Variants in CSGALNACT1 observed in about 807,000 individuals in gnomAD.
CSGALNACT1 encodes the protein beta4GalNAcT-1.
In CSGALNACT1, 52 loss-of-function variants were observed where a neutral mutation model predicts 51.0. The observed-to-expected ratio is 1.02, with a 90% CI of 0.82 to 1.29. The LOEUF (loss-of-function observed/expected upper bound fraction) is 1.29. Ranked by LOEUF, CSGALNACT1 falls within the 50% of genes most tolerant of loss-of-function variation. The pLI is 0.00. For synonymous variants in CSGALNACT1, 341 were observed against 254.4 expected (o/e 1.34, Z -3.24); for missense variants, 935 against 679.2 (o/e 1.38, Z -4.19).
At position 19,464,192 on chromosome 8, in the gene CSGALNACT1, C is replaced by A. The variant is rs190271059; in HGVS notation, c.635-5550G>T. On this transcript the variant is annotated intron_variant, in intron 4 of 9. Transcript: ENST00000454498. ...TCATTCTCAGTCTCCACATTCATCC[C>A]TGCCTTCCCTACCTTCCTACATGGA... Among the ~76,000 whole-genome samples the A allele has an allele frequency of 2.2e-4, 34 of 152,314 alleles. No individual in the cohort carries two copies. The East Asian group carries it at 5.2e-3, about 23-fold the overall frequency.
chr8:19,484,902 C>T (rs1200285402), intron 4 of CSGALNACT1, among the ~76,000 whole-genome samples: 1 of 152,124 alleles, frequency 6.6e-6, no homozygotes, highest in Non-Finnish European at 1.5e-5. Context: ...AAGGAAGAGT[C>T]ATTTTTGACC....
intron 3 of CSGALNACT1, among the ~76,000 whole-genome samples, chr8:19,554,328 G>C (rs965729514): frequency 6.6e-6 from 1 of 152,106 alleles, no homozygotes; most frequent in Non-Finnish European, 1.5e-5. Context: ...TATCAAATCG[G>C]TGTTATCATT....
chr8:19,488,845 C>T (rs2073723071), intron 4 of CSGALNACT1, among the ~76,000 whole-genome samples: 1 of 152,136 alleles, frequency 6.6e-6, no homozygotes, highest in Non-Finnish European at 1.5e-5. Flanking sequence ...ATCAGTTAAA[C>T]AGTGAAGAGA....
chr8:19,560,863 T>A (rs189223218), intron 3 of CSGALNACT1, among the ~76,000 whole-genome samples: 1 of 152,322 alleles, frequency 6.6e-6, no homozygotes, highest in East Asian at 1.9e-4. Flanking sequence ...TATTCACAGC[T>A]GCAAAATCTA....
At chr8:19,576,008 A>C (rs1295497377) in intron 3 of CSGALNACT1, among the ~76,000 whole-genome samples, 2 of 152,086 alleles carry the variant, frequency 1.3e-5, no homozygotes, top group African/African-American at 4.8e-5. Context: ...CAGGCCAAGC[A>C]GGTGGTCTAA....
At chr8:19,641,707 T>C (rs2056766762) in intron 1 of CSGALNACT1, 1 of 152,172 alleles carries the variant, frequency 6.6e-6, no homozygotes, top group South Asian at 2.1e-4. Context: ...CTTAAATGCA[T>C]TTACAAAACA....
chr8:19,633,754 A>G (rs2055616582), intron 1 of CSGALNACT1, among the ~76,000 whole-genome samples: 1 of 152,230 alleles, frequency 6.6e-6, no homozygotes, highest in Non-Finnish European at 1.5e-5. Flanking sequence ...GTTTTAAACC[A>G]TCTAGCTTGT....
At chr8:19,752,767 C>G (rs185549949) in intron 1 of CSGALNACT1, among the ~76,000 whole-genome samples, 1 of 152,256 alleles carries the variant, frequency 6.6e-6, no homozygotes, top group East Asian at 1.9e-4. Context: ...AACAAATTAT[C>G]AAATATGACT....
intron 4 of CSGALNACT1, among the ~76,000 whole-genome samples, chr8:19,491,235 T>C (rs116105613): frequency 0.018 from 2,755 of 152,336 alleles, 92 homozygotes; most frequent in African/African-American, 0.063. Context: ...ATGATTTTTG[T>C]TTACCGTACA....
intron 6 of CSGALNACT1, among the ~76,000 whole-genome samples, chr8:19,430,754 G>A (rs1282852791): frequency 6.6e-6 from 1 of 151,968 alleles, no homozygotes; most frequent in Non-Finnish European, 1.5e-5. Flanking sequence ...ATTTTAATAG[G>A]GATTGTACTG....
chr8:19,560,109 G>T (rs775005203), intron 3 of CSGALNACT1, among the ~76,000 whole-genome samples: 2 of 152,188 alleles, frequency 1.3e-5, no homozygotes, highest in Non-Finnish European at 2.9e-5. Context: ...TGCATAGGTA[G>T]TAAGTAGAAT....
intron 4 of CSGALNACT1, among the ~76,000 whole-genome samples, chr8:19,471,735 A>T (rs996927688): frequency 1.3e-5 from 2 of 152,178 alleles, no homozygotes; most frequent in Non-Finnish European, 2.9e-5. Flanking sequence ...GTGAAAGCTT[A>T]GATGCAGTGA....
Position 19,461,786 on chromosome 8 carries a change from T to A in CSGALNACT1, c.635-3144A>T, listed in dbSNP as rs578223043. Among the ~76,000 whole-genome samples, 49 of 139,616 alleles carry A rather than the reference T, an allele frequency of 3.5e-4. 2 individuals are homozygous for A. Among genetic ancestry groups the A allele is most frequent in the African/African-American group, 1.3e-3 (47 of 37,180 alleles). 91.6% of individuals were successfully genotyped at this position (139,616 alleles called of 152,430 possible). ...AGGGCGTATCTGCACAGCAGCCACA[T>A]TCACCATGGAGGGCGTATCCCCACA... is the stretch of plus-strand genomic sequence containing the variant. On this transcript the variant is annotated intron_variant, in intron 4 of 9. Coordinates refer to ENST00000454498, the Ensembl canonical transcript of CSGALNACT1.
At chr8:19,733,646 T>G (rs543021175) in intron 1 of CSGALNACT1, among the ~76,000 whole-genome samples, 5 of 152,224 alleles carry the variant, frequency 3.3e-5, no homozygotes, top group Admixed American at 6.5e-5. Context: ...TCTATGTCCT[T>G]CTGCTGCTAA....
At chr8:19,472,404 A>G (rs993562273) in intron 4 of CSGALNACT1, among the ~76,000 whole-genome samples, 8 of 152,186 alleles carry the variant, frequency 5.3e-5, no homozygotes, top group Non-Finnish European at 1.2e-4. Context: ...GCAACTTACC[A>G]CCAAAGTAGA....
chr8:19,548,593 A>T (rs1399870303), intron 3 of CSGALNACT1, among the ~76,000 whole-genome samples: 2 of 152,328 alleles, frequency 1.3e-5, no homozygotes, highest in Admixed American at 1.3e-4. Flanking sequence ...GAAATATGTT[A>T]AAATTTTACA....
intron 1 of CSGALNACT1, among the ~76,000 whole-genome samples, chr8:19,624,710 G>A (rs1011108707): frequency 2.1e-4 from 32 of 149,832 alleles, no homozygotes; most frequent in African/African-American, 4.7e-4. Context: ...ACAGAGTCTC[G>A]CTCTGTTGCC....
At chr8:19,532,253 G>A (rs777293137) in intron 3 of CSGALNACT1, among the ~76,000 whole-genome samples, 1 of 151,730 alleles carries the variant, frequency 6.6e-6, no homozygotes. Context: ...TGGAAGCCCA[G>A]CAGCCATGGC....
rs939416613 is a variant in CSGALNACT1 at position 19,515,504 on chromosome 8, G to T, written c.-296-9374C>A. 5.3e-5 allele frequency among the ~76,000 whole-genome samples: 8 copies of T among 152,134 alleles called. No homozygotes were observed. The East Asian group carries it at 1.5e-3, about 29-fold the overall frequency. On this transcript the variant is annotated intron_variant, in intron 3 of 9. Coordinates refer to ENST00000454498, the Ensembl canonical transcript of CSGALNACT1. ...TCAACTCCTCGTTGGTCTTTTAAAAGAATTCTCAATAGAAAAGCAACTGAG... is the reference window on the plus strand; with the variant it reads ...TCAACTCCTCGTTGGTCTTTTAAAATAATTCTCAATAGAAAAGCAACTGAG...
Sources: allele counts gnomAD v4.1 joint callset (sites outside exome capture counted in the v4.1 genomes callset), GRCh38; gene constraint gnomAD v4.1.1; transcripts MANE v1.5; gene names NCBI Gene and HGNC (gene_info 2026-07-23, HGNC 2026-07-21).